The following KL variants were observed in gnomAD, a reference collection of about 807,000 sequenced individuals.
The protein encoded by KL is klotho.
KL carries 62 observed loss-of-function variants against 84.2 expected under a neutral mutation model. That is an observed-to-expected ratio of 0.74 (90% CI 0.60 to 0.91). KL has a LOEUF of 0.91. Ranked by LOEUF, KL falls within the 40% of genes least tolerant of loss-of-function variation. KL has a pLI of 0.00. For missense variants in KL, 1,261 were observed against 1,305.7 expected, an observed-to-expected ratio of 0.97 and a Z score of 0.53; for synonymous variants, 528 against 528.0, an observed-to-expected ratio of 1.00 and a Z score of 0.00.
Position 33,016,784 on chromosome 13 carries a change from C to T in KL, c.344C>T (p.Ser115Leu), listed in dbSNP as rs1482126606. 1.2e-6 allele frequency: 2 copies of T among 1,612,022 alleles called. No individual in the cohort carries two copies. The highest frequency in any genetic ancestry group is 1.3e-5 in the African/African-American group (1 of 75,030). The change falls in exon 1 of 5, where the codon TCG becomes TTG. Residue 115 changes from serine to leucine, a missense_variant. Coordinates refer to ENST00000380099, the MANE Select transcript of KL (RefSeq NM_004795.4). ...GCCAGTCTGCCGTTGGGCGCCCCGT[C>T]GCCGCTGCAGCCCGCCACCGGGGAC... ...RNASLPLGAP[S>L]PLQPATGDVA...
intron 1 of KL, among the ~76,000 whole-genome samples, chr13:33,027,695 C>T (rs1247478682): frequency 1.3e-5 from 2 of 152,136 alleles, no homozygotes; most frequent in Non-Finnish European, 2.9e-5. Flanking sequence ...AGGATATTTC[C>T]CAGGTTACTG....
At chr13:33,042,352 T>C (rs1289714315) in intron 1 of KL, among the ~76,000 whole-genome samples, 1 of 152,176 alleles carries the variant, frequency 6.6e-6, no homozygotes, top group Non-Finnish European at 1.5e-5. Flanking sequence ...TAGAATATTC[T>C]CATTACCCCA....
rs1872325691 is a variant in KL, at chr13:33,064,266, T to G, written c.*80T>G. On this transcript the variant is annotated 3_prime_UTR_variant, in exon 5 of 5. Transcript: ENST00000380099. Reference sequence around the variant, plus strand: ...TGTTAACCATTTGCACCTCTAAGTGTTGTGAAACTGTAAATTTCATACATT... The same window carrying G: ...TGTTAACCATTTGCACCTCTAAGTGGTGTGAAACTGTAAATTTCATACATT... 9.2e-7 allele frequency: 1 copy of G among 1,082,498 alleles called. No individual in the cohort carries two copies. Among genetic ancestry groups the G allele is most frequent in the Non-Finnish European group, 1.4e-6 (1 of 739,568 alleles). 67.1% of individuals were successfully genotyped at this position (1,082,498 alleles called of 1,614,324 possible). A position where few individuals can be genotyped will look rare whatever the true frequency, so the allele number is the denominator to read the frequency against.
In KL at chr13:33,060,814, C is replaced by T; in HGVS notation, c.1735C>T (p.Gln579Ter). Residue 579 changes from glutamine (Q) to a stop codon, truncating the protein, a stop_gained, in exon 4 of 5, where the codon CAG (glutamine) becomes TAG (stop). Transcript: ENST00000380099. LOFTEE classifies it high-confidence loss of function. The stretch of plus-strand genomic sequence containing the variant: ...CTACTGTGTTGACTTTGCTGCCATC[C>T]AGCCCCAGATCGCTTTACTCCAGGA... ...KSYCVDFAAI[Q>*]PQIALLQEMH... 1 of 1,614,214 alleles carries T rather than the reference C, an allele frequency of 6.2e-7. No individual in the cohort carries two copies.
chr13:33,052,492 C>T (rs1410008544), intron 1 of KL, among the ~76,000 whole-genome samples: 3 of 151,980 alleles, frequency 2.0e-5, no homozygotes, highest in Admixed American at 6.6e-5. Context: ...TGCTTCAGGT[C>T]GTGAAAAAAT....
At chr13:33,023,965 A>G (rs1268624168) in intron 1 of KL, among the ~76,000 whole-genome samples, 2 of 151,982 alleles carry the variant, frequency 1.3e-5, no homozygotes, top group African/African-American at 2.4e-5. Flanking sequence ...CTTTTGCTTG[A>G]CCCTTTGAAG....
intron 3 of KL, among the ~76,000 whole-genome samples, chr13:33,058,874 A>G (rs953779928): frequency 2.6e-5 from 4 of 152,230 alleles, no homozygotes; most frequent in Non-Finnish European, 5.9e-5. Flanking sequence ...CTAAGGAAAC[A>G]TGATTTGTGG....
intron 1 of KL, among the ~76,000 whole-genome samples, chr13:33,020,744 AG>A: frequency 6.6e-6 from 1 of 152,302 alleles, no homozygotes; most frequent in East Asian, 1.9e-4. Flanking sequence ...ACTACGATGG[AG>A]GTGCAAGACA....
chr13:33,037,536 C>T (rs1246037665), intron 1 of KL, among the ~76,000 whole-genome samples: 8 of 152,120 alleles, frequency 5.3e-5, no homozygotes, highest in East Asian at 3.8e-4. Context: ...GTCCTCTCTT[C>T]ATTGTATCCA....
At position 33,061,060 on chromosome 13, in the gene KL, TAC is replaced by T; in HGVS notation, c.1984_1985del (p.Thr662CysfsTer27). ...LARQGAWENP[Y>X]TALAFAEYAR... ...CAGGCAGGGCGCCTGGGAGAACCCCTACACTGCCCTGGCCTTTGCAGAGTATG... is the reference window on the plus strand; with the variant it reads ...CAGGCAGGGCGCCTGGGAGAACCCCTACTGCCCTGGCCTTTGCAGAGTATG... On this transcript the variant is annotated frameshift_variant, in exon 4 of 5. Transcript: ENST00000380099. LOFTEE classifies it high-confidence loss of function. The T allele has an allele frequency of 6.2e-7, 1 of 1,612,624 alleles. No homozygotes were observed. The highest frequency in any genetic ancestry group is 8.5e-7 in the Non-Finnish European group (1 of 1,178,946).
chr13:33,057,253 C>A (rs1180925833), intron 3 of KL, among the ~76,000 whole-genome samples: 1 of 152,028 alleles, frequency 6.6e-6, no homozygotes, highest in African/African-American at 2.4e-5. Flanking sequence ...CATTGCTGTG[C>A]AGATCATGGG....
rs764495584 is a variant in KL at position 33,016,728 on chromosome 13, C to T, written c.288C>T (p.His96=). The part of the protein sequence containing the change: ...GASIWDTFTH[H]PLAPPGDSRN... ...CCATCTGGGATACGTTCACCCACCA[C>T]CCCCTGGCACCCCCGGGAGACTCCC... Residue 96 remains histidine (H), a synonymous_variant, in exon 1 of 5, where the codon CAC becomes CAT. Transcript: ENST00000380099. 3.1e-6 allele frequency: 5 copies of T among 1,610,002 alleles called. No individual in the cohort carries two copies. Among genetic ancestry groups the T allele is most frequent in the Non-Finnish European group, 4.2e-6 (5 of 1,178,202 alleles).
At chr13:33,039,124 A>G (rs1316174513) in intron 1 of KL, among the ~76,000 whole-genome samples, 1 of 152,186 alleles carries the variant, frequency 6.6e-6, no homozygotes, top group Non-Finnish European at 1.5e-5. Flanking sequence ...TACGTGGTCT[A>G]TCTATAGCTA....
chr13:33,049,161 AT>A (rs951000625), intron 1 of KL, among the ~76,000 whole-genome samples: 1 of 152,118 alleles, frequency 6.6e-6, no homozygotes, highest in African/African-American at 2.4e-5. Context: ...CTTCTAATTT[AT>A]TTTTTAATGG....
intron 1 of KL, among the ~76,000 whole-genome samples, chr13:33,019,345 T>A (rs896402510): frequency 6.6e-6 from 1 of 152,148 alleles, no homozygotes; most frequent in Non-Finnish European, 1.5e-5. Flanking sequence ...TGAGCTTACC[T>A]GAAAAAGATA....
rs1870359787 is a variant in KL at position 33,016,803 on chromosome 13, C to T, written c.363C>T (p.Thr121=). The change falls in exon 1 of 5, where the codon ACC becomes ACT. Residue 121 remains threonine (T), a synonymous_variant. Transcript: ENST00000380099. ...LGAPSPLQPA[T]GDVASDSYNN... ...CCCCGTCGCCGCTGCAGCCCGCCAC[C>T]GGGGACGTAGCCAGCGACAGCTACA... 4 of 1,612,474 alleles carry T rather than the reference C, an allele frequency of 2.5e-6. 1 individual carries two copies. Among genetic ancestry groups the T allele is most frequent in the South Asian group, 2.2e-5 (2 of 91,056 alleles).
At chr13:33,033,953 G>T (rs1459481118) in intron 1 of KL, among the ~76,000 whole-genome samples, 5 of 151,926 alleles carry the variant, frequency 3.3e-5, no homozygotes, top group South Asian at 2.1e-4. Context: ...TAAAAAAGAT[G>T]AACACACACC....
chr13:33,055,235 C>T lies in KL; in HGVS notation c.1519C>T (p.Pro507Ser). 2 of 1,614,164 alleles carry T rather than the reference C, an allele frequency of 1.2e-6. No homozygotes were observed. The highest frequency in any genetic ancestry group is 2.2e-5 in the South Asian group (2 of 91,078). The change falls in exon 3 of 5, where the codon CCT becomes TCT. Residue 507 changes from proline (P) to serine (S), a missense_variant. By Grantham distance (74) the Pro-to-Ser change is moderately conservative. Transcript: ENST00000380099. ...YQKLIEKNGF[P>S]PLPENQPLEG... ...AAAGCTGATAGAGAAAAATGGCTTC[C>T]CTCCTTTACCTGAAAATCAGCCCCT...
At chr13:33,057,666 C>A (rs1872017164) in intron 3 of KL, among the ~76,000 whole-genome samples, 1 of 152,126 alleles carries the variant, frequency 6.6e-6, no homozygotes, top group African/African-American at 2.4e-5. Context: ...CTCAAACCCA[C>A]AGCAGATGAG....
Sources: allele counts gnomAD v4.1 joint callset (sites outside exome capture counted in the v4.1 genomes callset), GRCh38; gene constraint gnomAD v4.1.1; transcripts MANE v1.5; gene names NCBI Gene and HGNC (gene_info 2026-07-23, HGNC 2026-07-21).